The following STARD13 variants were observed in gnomAD, a reference collection of about 807,000 sequenced individuals.
The protein encoded by STARD13 is stAR-related lipid transfer protein 13.
In STARD13, 62 loss-of-function variants were observed where a neutral mutation model predicts 106.4. That is an observed-to-expected ratio of 0.58 (90% CI 0.48 to 0.72). The LOEUF is 0.72. STARD13 is among the 30% of genes least tolerant of loss of function. The probability of loss-of-function intolerance (pLI) is 0.00; values close to 1 mark genes in which losing one functional copy is unlikely to be tolerated. For synonymous variants in STARD13, 565 were observed against 553.0 expected, an observed-to-expected ratio of 1.02 and a Z score of -0.31; for missense variants, 1,387 against 1,424.0, an observed-to-expected ratio of 0.97 and a Z score of 0.42.
At chr13:33,214,233 C>A (rs1887894664) in intron 1 of STARD13, among the ~76,000 whole-genome samples, 2 of 152,190 alleles carry the variant, frequency 1.3e-5, no homozygotes, top group South Asian at 2.1e-4. Context: ...AAAGCACATT[C>A]TTCATTTTTT....
the STARD13 span, among the ~76,000 whole-genome samples, chr13:33,460,440 G>A: frequency 2.0e-5 from 3 of 150,914 alleles, no homozygotes; most frequent in Non-Finnish European, 4.4e-5. Context: ...GCAGTGAGCC[G>A]AGATAGTGCC....
chr13:33,173,226 A>T (rs1884174923), intron 1 of STARD13, among the ~76,000 whole-genome samples: 1 of 152,234 alleles, frequency 6.6e-6, no homozygotes, highest in Non-Finnish European at 1.5e-5. Flanking sequence ...AGGTAGCTTC[A>T]TTAGTAACTT....
At chr13:33,444,319 G>A in the STARD13 span, among the ~76,000 whole-genome samples, 1 of 152,092 alleles carries the variant, frequency 6.6e-6, no homozygotes, top group Non-Finnish European at 1.5e-5. Context: ...GATAATTCAT[G>A]GATAACTATT....
the STARD13 span, among the ~76,000 whole-genome samples, chr13:33,416,319 G>A: frequency 6.6e-6 from 1 of 152,198 alleles, no homozygotes; most frequent in African/African-American, 2.4e-5. Flanking sequence ...AAGCCACAAA[G>A]ACTAGACAGT....
At chr13:33,596,684 C>T in the STARD13 span, among the ~76,000 whole-genome samples, 1 of 152,184 alleles carries the variant, frequency 6.6e-6, no homozygotes, top group Non-Finnish European at 1.5e-5. Flanking sequence ...ACCAACCTCT[C>T]TTCATTCCCT....
At chr13:33,534,139 C>A in the STARD13 span, among the ~76,000 whole-genome samples, 1 of 152,178 alleles carries the variant, frequency 6.6e-6, no homozygotes, top group African/African-American at 2.4e-5. Context: ...TGAAATCACT[C>A]TTTTTGTTAG....
chr13:33,394,144 A>T, the STARD13 span, among the ~76,000 whole-genome samples: 5,835 of 152,050 alleles, frequency 0.038, 370 homozygotes, highest in African/African-American at 0.13. Flanking sequence ...AATTCTCACA[A>T]CCATATTACT....
chr13:33,348,557 C>G (rs964109580), downstream of STARD13: 13 of 153,014 alleles, frequency 8.5e-5, no homozygotes, highest in African/African-American at 3.1e-4. Flanking sequence ...ATTTAACAAA[C>G]TAACAAACGT....
chr13:33,564,384 G>A, the STARD13 span, among the ~76,000 whole-genome samples: 1 of 145,358 alleles, frequency 6.9e-6, no homozygotes, highest in Non-Finnish European at 1.5e-5. Flanking sequence ...AAAAGACAAC[G>A]AAAAATGGAT....
the STARD13 span, among the ~76,000 whole-genome samples, chr13:33,487,856 G>C: frequency 6.6e-6 from 1 of 152,122 alleles, no homozygotes; most frequent in African/African-American, 2.4e-5. Flanking sequence ...TTCACCTTTT[G>C]CAATCTGGCA....
At chr13:33,324,591 G>A (rs1419300356) in intron 1 of STARD13, among the ~76,000 whole-genome samples, 2 of 152,170 alleles carry the variant, frequency 1.3e-5, no homozygotes, top group East Asian at 3.8e-4. Context: ...AAATACTCAT[G>A]TAAATTATTC....
intron 1 of STARD13, among the ~76,000 whole-genome samples, chr13:33,194,283 T>G (rs1664983091): frequency 6.6e-6 from 1 of 152,146 alleles, no homozygotes; most frequent in South Asian, 2.1e-4. Context: ...AAAAAAACCT[T>G]AAAAATTGTG....
the STARD13 span, among the ~76,000 whole-genome samples, chr13:33,509,948 G>A: frequency 6.6e-6 from 1 of 152,182 alleles, no homozygotes; most frequent in Admixed American, 6.5e-5. Context: ...AGAAAGCAGT[G>A]AAGGGCCAGC....
chr13:33,580,379 C>T, the STARD13 span, among the ~76,000 whole-genome samples: 1 of 151,956 alleles, frequency 6.6e-6, no homozygotes, highest in Non-Finnish European at 1.5e-5. Context: ...TCAGTGGTTG[C>T]CGTGGGCTTA....
chr13:33,391,112 T>A, the STARD13 span, among the ~76,000 whole-genome samples: 1 of 152,268 alleles, frequency 6.6e-6, no homozygotes. Flanking sequence ...TAATTATTGT[T>A]AAGAAAATTC....
At chr13:33,128,344 C>T (rs989856979) in intron 5 of STARD13, among the ~76,000 whole-genome samples, 4 of 152,208 alleles carry the variant, frequency 2.6e-5, no homozygotes, top group Non-Finnish European at 5.9e-5. Flanking sequence ...AGAGGTGACA[C>T]ATCACTGAAC....
At chr13:33,291,050 A>T (rs1028817549) in intron 1 of STARD13, among the ~76,000 whole-genome samples, 1 of 152,242 alleles carries the variant, frequency 6.6e-6, no homozygotes, top group African/African-American at 2.4e-5. Flanking sequence ...CTACAGGCAT[A>T]AAGTTTTGAC....
intron 1 of STARD13, among the ~76,000 whole-genome samples, chr13:33,184,359 C>G (rs969063335): frequency 1.3e-5 from 2 of 152,094 alleles, no homozygotes; most frequent in South Asian, 4.1e-4. Context: ...TATATGGGCA[C>G]GGCTGCTGCT....
chr13:33,429,371 C>A, the STARD13 span, among the ~76,000 whole-genome samples: 2 of 152,104 alleles, frequency 1.3e-5, no homozygotes, highest in African/African-American at 4.8e-5. Context: ...CCGAGGCGGG[C>A]GGATCACGAG....
Sources: allele counts gnomAD v4.1 joint callset (sites outside exome capture counted in the v4.1 genomes callset), GRCh38; gene constraint gnomAD v4.1.1; transcripts MANE v1.5; gene names NCBI Gene and HGNC (gene_info 2026-07-23, HGNC 2026-07-21).